The following SPRR2G variants were observed in gnomAD, a reference collection of about 807,000 sequenced individuals.
The protein encoded by SPRR2G is small proline rich protein 2G.
In SPRR2G, 1 loss-of-function variant was observed where a neutral mutation model predicts 0.7. That is an observed-to-expected ratio of 1.49 (90% CI 0.53 to 7.06). SPRR2G has a LOEUF of 7.06. Among genes scored for constraint, SPRR2G ranks in the 30% most tolerant of loss-of-function variants. The pLI is 0.14. For synonymous variants in SPRR2G, 38 were observed against 33.9 expected (o/e 1.12, Z -0.42); for missense variants, 96 against 88.5 (o/e 1.09, Z -0.34).
the SPRR2G span, among the ~76,000 whole-genome samples, chr1:153,167,444 G>GTC: frequency 2.0e-5 from 3 of 151,938 alleles, no homozygotes; most frequent in Non-Finnish European, 4.4e-5. Context: ...ATTGCACCCA[G>GTC]TCTGGGCAAC....
chr1:153,198,133 G>C, the SPRR2G span, among the ~76,000 whole-genome samples: 1 of 152,150 alleles, frequency 6.6e-6, no homozygotes, highest in South Asian at 2.1e-4. Context: ...GTTCAAGGTT[G>C]AGGAGGAGAG....
At chr1:153,190,949 A>G in the SPRR2G span, 1 of 152,266 alleles carries the variant, frequency 6.6e-6, no homozygotes. Flanking sequence ...CTGGAGATGT[A>G]AAAAAGTCAA....
chr1:153,156,684 G>A, the SPRR2G span, among the ~76,000 whole-genome samples: 1 of 151,962 alleles, frequency 6.6e-6, no homozygotes, highest in Non-Finnish European at 1.5e-5. Flanking sequence ...TAAAGAAGAG[G>A]ACTAAAATAA....
upstream of SPRR2G, among the ~76,000 whole-genome samples, chr1:153,154,116 A>G (rs574187242): frequency 6.6e-6 from 1 of 150,790 alleles, no homozygotes; most frequent in South Asian, 2.1e-4. Context: ...GTAGTGTATC[A>G]CATTTATTGA....
At chr1:153,201,496 T>C in the SPRR2G span, among the ~76,000 whole-genome samples, 6 of 152,162 alleles carry the variant, frequency 3.9e-5, no homozygotes, top group Non-Finnish European at 7.4e-5. Context: ...GAGCTGAACA[T>C]AGGTGAGGCT....
At chr1:153,164,384 T>A in the SPRR2G span, among the ~76,000 whole-genome samples, 1 of 152,148 alleles carries the variant, frequency 6.6e-6, no homozygotes, top group African/African-American at 2.4e-5. Context: ...CTGGAGAAAG[T>A]CATTTAGTCC....
At chr1:153,171,839 T>C in the SPRR2G span, among the ~76,000 whole-genome samples, 8 of 152,138 alleles carry the variant, frequency 5.3e-5, no homozygotes, top group Non-Finnish European at 1.2e-4. Context: ...AATTAGTGGA[T>C]GTCTAACATT....
the SPRR2G span, among the ~76,000 whole-genome samples, chr1:153,188,904 G>A: frequency 1.4e-4 from 22 of 152,316 alleles, no homozygotes; most frequent in East Asian, 1.5e-3. Flanking sequence ...GGCTAGGGAC[G>A]GTAGTTCCCC....
At chr1:153,154,157 T>C (rs1271429343), upstream of SPRR2G, among the ~76,000 whole-genome samples, 2 of 152,070 alleles carry the variant, frequency 1.3e-5, no homozygotes, top group Non-Finnish European at 2.9e-5. Context: ...TTTTTTTTTT[T>C]TTAGAAAAGA....
the SPRR2G span, among the ~76,000 whole-genome samples, chr1:153,186,813 G>T: frequency 6.6e-6 from 1 of 152,060 alleles, no homozygotes; most frequent in African/African-American, 2.4e-5. Context: ...TTATATTTTG[G>T]TATCTTTTTG....
chr1:153,191,008 A>G, the SPRR2G span: 5 of 152,216 alleles, frequency 3.3e-5, no homozygotes, highest in African/African-American at 7.2e-5. Flanking sequence ...GAAAGTGGAG[A>G]CTGAATGGTA....
the SPRR2G span, among the ~76,000 whole-genome samples, chr1:153,197,375 T>C: frequency 1.3e-5 from 2 of 152,084 alleles, no homozygotes; most frequent in African/African-American, 4.8e-5. Context: ...CTGGAATCTC[T>C]GGGCCTCATA....
At chr1:153,173,897 T>G in the SPRR2G span, among the ~76,000 whole-genome samples, 2 of 152,206 alleles carry the variant, frequency 1.3e-5, no homozygotes, top group African/African-American at 2.4e-5. Flanking sequence ...TCGGGAAATT[T>G]TACAGATTCT....
the SPRR2G span, among the ~76,000 whole-genome samples, chr1:153,162,632 A>C: frequency 7.0e-6 from 1 of 142,808 alleles, no homozygotes; most frequent in Non-Finnish European, 1.6e-5. Context: ...ACCAGAGAGA[A>C]AGTGAGGGGC....
chr1:153,177,558 T>C, the SPRR2G span, among the ~76,000 whole-genome samples: 1 of 152,118 alleles, frequency 6.6e-6, no homozygotes, highest in Non-Finnish European at 1.5e-5. Context: ...TGAAATGATA[T>C]CTTATGGGGC....
chr1:153,174,950 C>T, the SPRR2G span, among the ~76,000 whole-genome samples: 1 of 152,228 alleles, frequency 6.6e-6, no homozygotes, highest in East Asian at 1.9e-4. Context: ...ACACTTAATA[C>T]CTCAGGCAGC....
chr1:153,193,523 AG>A, the SPRR2G span, among the ~76,000 whole-genome samples: 22 of 152,286 alleles, frequency 1.4e-4, no homozygotes, highest in African/African-American at 4.1e-4. Context: ...CCTCTGGGAG[AG>A]GCTCAATGAC....
the SPRR2G span, among the ~76,000 whole-genome samples, chr1:153,183,837 G>C: frequency 6.6e-6 from 1 of 152,146 alleles, no homozygotes; most frequent in South Asian, 2.1e-4. Context: ...TTCTTCTAGG[G>C]TTTTTATGGT....
At chr1:153,192,393 T>G in the SPRR2G span, among the ~76,000 whole-genome samples, 1 of 152,126 alleles carries the variant, frequency 6.6e-6, no homozygotes, top group African/African-American at 2.4e-5. Context: ...CACAATAGCC[T>G]CTCCCTTATT....
Sources: gnomAD v4.1 joint callset for allele counts (sites outside exome capture counted in the v4.1 genomes callset) on GRCh38, gnomAD v4.1.1 for gene constraint, MANE v1.5 for transcripts, NCBI Gene and HGNC (gene_info 2026-07-23, HGNC 2026-07-21) for gene names.